The following NAV1 variants were observed in gnomAD, a reference collection of about 807,000 sequenced individuals.
The protein encoded by NAV1 is pore membrane and/or filament interacting like protein 3.
A neutral mutation model predicts 175.2 loss-of-function variants in NAV1; 18 were observed. That is an observed-to-expected ratio of 0.10 (90% confidence interval 0.07 to 0.15). The LOEUF (loss-of-function observed/expected upper bound fraction) is 0.15, where lower values mean the gene tolerates loss of function less well. NAV1 is among the 10% of genes least tolerant of loss of function. The pLI, the probability that NAV1 is intolerant of heterozygous loss-of-function variation, is 1.00. For missense variants in NAV1, 1,731 were observed against 2,436.6 expected, an observed-to-expected ratio of 0.71 and a Z score of 6.10; for synonymous variants, 897 against 978.7, an observed-to-expected ratio of 0.92 and a Z score of 1.56.
At chr1:201,773,745 T>C (rs1173605546) in intron 3 of NAV1, among the ~76,000 whole-genome samples, 3 of 152,160 alleles carry the variant, frequency 2.0e-5, no homozygotes, top group Non-Finnish European at 4.4e-5. Flanking sequence ...GACTAGATGA[T>C]ATGAGGAGAA....
At chr1:201,726,620 C>G (rs1399832122) in intron 3 of NAV1, among the ~76,000 whole-genome samples, 1 of 146,168 alleles carries the variant, frequency 6.8e-6, no homozygotes, top group African/African-American at 2.6e-5. Context: ...TCCACTCCAG[C>G]CTGGGCAACA....
At chr1:201,805,864 T>C (rs1678242034) in intron 17 of NAV1, among the ~76,000 whole-genome samples, 1 of 151,942 alleles carries the variant, frequency 6.6e-6, no homozygotes, top group African/African-American at 2.4e-5. Context: ...GGAGGTTGAG[T>C]GAGCCAAGAT....
exon 1 of NAV1, chr1:201,623,461 G>A: frequency 1.0e-6 from 1 of 986,032 alleles, no homozygotes; most frequent in Non-Finnish European, 1.2e-6. Context: ...GGAGCCTGAT[G>A]AGGGGGCAGC....
At chr1:201,700,725 C>G (rs1384481436) in intron 1 of NAV1, among the ~76,000 whole-genome samples, 1 of 152,120 alleles carries the variant, frequency 6.6e-6, no homozygotes, top group African/African-American at 2.4e-5. Flanking sequence ...GAAAATGTAG[C>G]ACATTGCCGG....
chr1:201,699,536 A>G (rs1004231234), intron 1 of NAV1, among the ~76,000 whole-genome samples: 1 of 152,250 alleles, frequency 6.6e-6, no homozygotes, highest in African/African-American at 2.4e-5. Context: ...TATAGATTCA[A>G]TGCCATCCCC....
At chr1:201,654,068 G>A (rs1242683857) in intron 1 of NAV1, among the ~76,000 whole-genome samples, 1 of 152,190 alleles carries the variant, frequency 6.6e-6, no homozygotes, top group Non-Finnish European at 1.5e-5. Context: ...CACAGCCCAT[G>A]GCTCTGCCTC....
chr1:201,784,542 T>C (rs1182291624), intron 7 of NAV1, among the ~76,000 whole-genome samples: 1 of 151,058 alleles, frequency 6.6e-6, no homozygotes, highest in Non-Finnish European at 1.5e-5. Flanking sequence ...ACCTATATGG[T>C]AGTTTTTACC....
At chr1:201,613,598 C>T (rs1667914915) in intron 2 of NAV1, among the ~76,000 whole-genome samples, 1 of 152,202 alleles carries the variant, frequency 6.6e-6, no homozygotes, top group South Asian at 2.1e-4. Flanking sequence ...TGTGGTGGCT[C>T]ATGCCTGTAA....
At chr1:201,608,117 A>G (rs1667741013) in intron 2 of NAV1, among the ~76,000 whole-genome samples, 1 of 152,206 alleles carries the variant, frequency 6.6e-6, no homozygotes. Context: ...TGTACTAAAC[A>G]TTCTCCACAC....
chr1:201,592,470 G>A (rs1667228411), intron 2 of NAV1, among the ~76,000 whole-genome samples: 1 of 152,202 alleles, frequency 6.6e-6, no homozygotes, highest in Non-Finnish European at 1.5e-5. Flanking sequence ...GAGTCACACA[G>A]CCAAGGTGGC....
At chr1:201,695,539 CT>C (rs1671154766) in intron 1 of NAV1, among the ~76,000 whole-genome samples, 1 of 152,240 alleles carries the variant, frequency 6.6e-6, no homozygotes, top group Non-Finnish European at 1.5e-5. Context: ...TCAGGTGCAG[CT>C]TTGTAGCTTG....
chr1:201,810,884 C>T lies in NAV1; in HGVS notation c.4797+126C>T. 1.4e-6 allele frequency: 1 copy of T among 692,304 alleles called. No individual in the cohort carries two copies. The highest frequency in any genetic ancestry group is 2.7e-5 in the East Asian group (1 of 36,748). 42.9% of individuals were successfully genotyped at this position (692,304 alleles called of 1,614,324 possible). On this transcript the variant is annotated intron_variant, in intron 24 of 29. Transcript: ENST00000367296. The surrounding 1 kb of genome is among the most constrained non-coding windows in gnomAD (Gnocchi z 6.0). ...CCTCTGCCTTCATCTTTCTTCTCTT[C>T]TGTGTTCATTTCCTTCCCTCTCTAT...
At chr1:201,705,853 C>G (rs552558339) in intron 1 of NAV1, among the ~76,000 whole-genome samples, 187 of 137,654 alleles carry the variant, frequency 1.4e-3, no homozygotes, top group African/African-American at 4.4e-3. Context: ...GCTGGGTTAT[C>G]TGTCAGTTTT....
chr1:201,708,083 C>G (rs629969), intron 1 of NAV1, among the ~76,000 whole-genome samples: 8,424 of 152,094 alleles, frequency 0.055, 323 homozygotes, highest in South Asian at 0.15. Context: ...ATTGCTAGTC[C>G]TTTCCCAAAG....
intron 2 of NAV1, among the ~76,000 whole-genome samples, chr1:201,639,124 C>T (rs1668682089): frequency 6.6e-6 from 1 of 152,142 alleles, no homozygotes; most frequent in African/African-American, 2.4e-5. Flanking sequence ...AGGAAAAGGG[C>T]AGAGCAAAGC....
intron 1 of NAV1, among the ~76,000 whole-genome samples, chr1:201,650,312 G>T (rs1344122805): frequency 6.6e-6 from 1 of 152,238 alleles, no homozygotes; most frequent in Admixed American, 6.5e-5. Context: ...GAGAGCCCCT[G>T]CCCTCAGAGA....
chr1:201,665,470 C>G (rs954058810), intron 1 of NAV1, among the ~76,000 whole-genome samples: 1 of 152,124 alleles, frequency 6.6e-6, no homozygotes, highest in African/African-American at 2.4e-5. Context: ...TCTGTCCGCA[C>G]TAGCCACAAG....
chr1:201,682,413 AT>A (rs1033597245), intron 1 of NAV1, among the ~76,000 whole-genome samples: 2 of 152,000 alleles, frequency 1.3e-5, no homozygotes, highest in Admixed American at 6.6e-5. Flanking sequence ...GGCTGAAACT[AT>A]TTTAGCTTTT....
chr1:201,808,898 A>T lies in NAV1; in HGVS notation c.4207+27A>T. 1 of 1,595,268 alleles carries T rather than the reference A, an allele frequency of 6.3e-7. No homozygotes were observed. Among genetic ancestry groups the T allele is most frequent in the Non-Finnish European group, 8.5e-7 (1 of 1,169,846 alleles). ...TACCTGTGTGGGAGAAGAATCTATAAGGGTGAAGGGAAGAAAAGGGCTTAT... is the reference window on the plus strand; with the variant it reads ...TACCTGTGTGGGAGAAGAATCTATATGGGTGAAGGGAAGAAAAGGGCTTAT... On this transcript the variant is annotated intron_variant, in intron 20 of 29. Coordinates refer to ENST00000367296, the Ensembl canonical transcript of NAV1. The surrounding 1 kb of genome is among the most constrained non-coding windows in gnomAD (Gnocchi z 5.5).
Sources: gnomAD v4.1 joint callset for allele counts (sites outside exome capture counted in the v4.1 genomes callset) on GRCh38, gnomAD v4.1.1 for gene constraint, Gnocchi (gnomAD v3.1) non-coding constraint, MANE v1.5 for transcripts, NCBI Gene and HGNC (gene_info 2026-07-23, HGNC 2026-07-21) for gene names.